Variants in B3GAT1 observed in about 807,000 individuals in gnomAD.
The protein encoded by B3GAT1 is beta-1,3-glucuronyltransferase 1.
In B3GAT1, 11 loss-of-function variants were observed where a neutral mutation model predicts 28.4. The observed-to-expected ratio is 0.39, with a 90% CI of 0.24 to 0.64. B3GAT1 has a LOEUF of 0.64. Ranked by LOEUF, B3GAT1 falls within the 30% of genes least tolerant of loss-of-function variation. The pLI is 0.50. For synonymous variants in B3GAT1, 255 were observed against 223.1 expected (o/e 1.14, Z -1.27); for missense variants, 375 against 491.0 (o/e 0.76, Z 2.23).
chr11:134,402,844 T>G (rs1232877108), intron 1 of B3GAT1, among the ~76,000 whole-genome samples: 1 of 145,252 alleles, frequency 6.9e-6, no homozygotes, highest in Admixed American at 6.9e-5. Flanking sequence ...GCCCGGGAGG[T>G]GGAGTTTGCA....
Sources: allele counts gnomAD v4.1 joint callset (sites outside exome capture counted in the v4.1 genomes callset), GRCh38; gene constraint gnomAD v4.1.1; transcripts MANE v1.5; gene names NCBI Gene and HGNC (gene_info 2026-07-23, HGNC 2026-07-21).